Variants in NR3C1 observed in about 807,000 individuals in gnomAD.
The protein encoded by NR3C1 is glucocorticoid receptor.
In NR3C1, 14 loss-of-function variants were observed where a neutral mutation model predicts 74.0. That is an observed-to-expected ratio of 0.19 (90% CI 0.12 to 0.30). The LOEUF (loss-of-function observed/expected upper bound fraction) is 0.30. Ranked by LOEUF, NR3C1 falls within the 10% of genes least tolerant of loss-of-function variation. NR3C1 has a pLI of 1.00. For missense variants in NR3C1, 695 were observed against 909.8 expected (o/e 0.76, Z 3.04); for synonymous variants, 308 against 332.5 (o/e 0.93, Z 0.80).
At chr5:143,396,753 C>T (rs935276111) in intron 2 of NR3C1, among the ~76,000 whole-genome samples, 2 of 151,774 alleles carry the variant, frequency 1.3e-5, no homozygotes, top group African/African-American at 4.8e-5. Flanking sequence ...TCATTCTCTC[C>T]AATAATCCCT....
At chr5:143,388,931 G>GTC (rs769599192) in intron 2 of NR3C1, among the ~76,000 whole-genome samples, 3 of 152,182 alleles carry the variant, frequency 2.0e-5, no homozygotes, top group South Asian at 4.1e-4. Context: ...AGTTGCTGAA[G>GTC]TCTCCTGTTG....
intron 7 of NR3C1, among the ~76,000 whole-genome samples, chr5:143,289,715 C>T (rs999715876): frequency 1.3e-5 from 2 of 152,028 alleles, no homozygotes; most frequent in Non-Finnish European, 2.9e-5. Flanking sequence ...AAAAGAGGCA[C>T]AATACCAAAT....
At position 143,403,424 on chromosome 5, in the gene NR3C1, C is replaced by T. The variant is rs997514649; in HGVS notation, c.-227G>A. 3 of 968,314 alleles carry T rather than the reference C, an allele frequency of 3.1e-6. No homozygotes were observed. The highest frequency in any genetic ancestry group is 3.6e-6 in the Non-Finnish European group (3 of 824,606). 60.0% of individuals were successfully genotyped at this position (968,314 alleles called of 1,614,324 possible). ...GCCCAGCTGACAAGCCAGCCCTCCGCCCCGCGCCGGGCTCCGCGGGTCGAG... is the reference window on the plus strand; with the variant it reads ...GCCCAGCTGACAAGCCAGCCCTCCGTCCCGCGCCGGGCTCCGCGGGTCGAG... On this transcript the variant is annotated 5_prime_UTR_variant, in exon 1 of 9. Coordinates refer to ENST00000394464, the MANE Select transcript of NR3C1 (RefSeq NM_000176.3).
chr5:143,381,187 A>G (rs1836162527), intron 2 of NR3C1, among the ~76,000 whole-genome samples: 1 of 152,190 alleles, frequency 6.6e-6, no homozygotes, highest in Non-Finnish European at 1.5e-5. Flanking sequence ...AATCTCATTT[A>G]CAATAGCTAC....
In NR3C1 at chr5:143,279,327, T is replaced by C; in HGVS notation, c.*2562A>G. The stretch of plus-strand genomic sequence containing the variant: ...ACATAATCTTCTTTTTCTCATTGAG[T>C]TCTATTTTTTGAGCGCCAAGATTGT... On this transcript the variant is annotated 3_prime_UTR_variant, in exon 9 of 9. Coordinates refer to ENST00000394464, the MANE Select transcript of NR3C1 (RefSeq NM_000176.3). 6.5e-7 allele frequency: 1 copy of C among 1,540,928 alleles called. No homozygotes were observed. Among genetic ancestry groups the C allele is most frequent in the Non-Finnish European group, 8.7e-7 (1 of 1,144,190 alleles).
At chr5:143,337,515 G>A (rs1376968012) in intron 2 of NR3C1, among the ~76,000 whole-genome samples, 1 of 152,174 alleles carries the variant, frequency 6.6e-6, no homozygotes, top group Non-Finnish European at 1.5e-5. Context: ...TGCATATACA[G>A]TAAAATGTGT....
At chr5:143,373,221 C>A (rs1834531403) in intron 2 of NR3C1, among the ~76,000 whole-genome samples, 1 of 151,968 alleles carries the variant, frequency 6.6e-6, no homozygotes, top group East Asian at 1.9e-4. Context: ...GTATAATTCC[C>A]TTGGGGAAAA....
chr5:143,354,142 T>C (rs535129230), intron 2 of NR3C1, among the ~76,000 whole-genome samples: 29 of 152,366 alleles, frequency 1.9e-4, no homozygotes, highest in Middle Eastern at 3.4e-3. Flanking sequence ...ACAGCCTTCA[T>C]AGAATTGAAG....
rs1318675518 is a variant in NR3C1, at chr5:143,281,929, G to A, written c.2294C>T (p.Ser765Leu). ...EIITNQIPKY[S>L]NGNIKKLLFH... ...CAGAAGTTTTTTGATATTTCCATTTGAATATTTTGGTATCTGATTGGTGAT... is the reference window on the plus strand; with the variant it reads ...CAGAAGTTTTTTGATATTTCCATTTAAATATTTTGGTATCTGATTGGTGAT... The change falls in exon 9 of 9, where the codon TCA (serine) becomes TTA (leucine). Residue 765 changes from serine (S) to leucine (L), a missense_variant. This residue lies in a region of NR3C1 where 133 missense variants were observed against 287.9 expected (regional missense o/e 0.46). Transcript: ENST00000394464. 1 of 1,613,318 alleles carries A rather than the reference G, an allele frequency of 6.2e-7. No homozygotes were observed. Among genetic ancestry groups the A allele is most frequent in the South Asian group, 1.1e-5 (1 of 91,048 alleles).
chr5:143,405,291 C>T (rs1841039645), upstream of NR3C1: 4 of 985,618 alleles, frequency 4.1e-6, no homozygotes, highest in Non-Finnish European at 4.8e-6. Context: ...GCCGCAGCTC[C>T]ACCTAATCCT....
Position 143,339,757 on chromosome 5 carries a change from A to T in NR3C1, c.1185-25589T>A, listed in dbSNP as rs140091233. On this transcript the variant is annotated intron_variant, in intron 2 of 8. Transcript: ENST00000394464. The stretch of plus-strand genomic sequence containing the variant: ...CTCCGGACTAAAGGATTCCAGACAC[A>T]GCTGAGAGTAGAAATATCTTAAAAA... 3.3e-5 allele frequency among the ~76,000 whole-genome samples: 5 copies of T among 152,336 alleles called. No individual in the cohort carries two copies. The East Asian group carries it at 9.7e-4, about 29-fold the overall frequency.
chr5:143,362,876 T>A (rs2151826929), intron 2 of NR3C1, among the ~76,000 whole-genome samples: 1 of 152,222 alleles, frequency 6.6e-6, no homozygotes, highest in Admixed American at 6.5e-5. Flanking sequence ...GTCTAAAGAT[T>A]GAGAGGAAAA....
intron 2 of NR3C1, among the ~76,000 whole-genome samples, chr5:143,379,468 T>C (rs1053014427): frequency 6.6e-6 from 1 of 152,190 alleles, no homozygotes; most frequent in Non-Finnish European, 1.5e-5. Flanking sequence ...TCATGAACAA[T>C]TCGGATATCA....
At chr5:143,405,081 C>CGCCCCAGCTCCCT (rs1841019364), upstream of NR3C1, 3 of 981,298 alleles carry the variant, frequency 3.1e-6, no homozygotes. Flanking sequence ...GGGAAGCCCC[C>CGCCCCAGCTCCCT]GCCCCAGCTC....
chr5:143,334,972 T>G lies in NR3C1; in HGVS notation c.1185-20804A>C, dbSNP rs116208375. On this transcript the variant is annotated intron_variant, in intron 2 of 8. Transcript: ENST00000394464. ...AAAGGTTATTATGATTTCTGAAATG[T>G]AGCATAAAGCCAAAACCTGAAAAGA... is the stretch of plus-strand genomic sequence containing the variant. 3.4e-3 allele frequency among the ~76,000 whole-genome samples: 520 copies of G among 152,318 alleles called. 1 individual carries two copies. Among genetic ancestry groups the G allele is most frequent in the African/African-American group, 0.012 (504 of 41,568 alleles).
chr5:143,413,167 C>G (rs1047139460), intron 1 of NR3C1, among the ~76,000 whole-genome samples: 15 of 152,112 alleles, frequency 9.9e-5, no homozygotes, highest in Non-Finnish European at 1.6e-4. Flanking sequence ...TGCAGACTTA[C>G]AGAAATGTGT....
At chr5:143,379,081 A>G (rs1028762102) in intron 2 of NR3C1, among the ~76,000 whole-genome samples, 2 of 152,150 alleles carry the variant, frequency 1.3e-5, no homozygotes, top group Non-Finnish European at 2.9e-5. Context: ...ACAGGAAAAT[A>G]CCCCCAGTGA....
chr5:143,365,436 G>C (rs1388719804), intron 2 of NR3C1, among the ~76,000 whole-genome samples: 4 of 152,168 alleles, frequency 2.6e-5, no homozygotes, highest in Admixed American at 2.0e-4. Context: ...ATAGGGCACT[G>C]TATAATGATA....
At chr5:143,381,630 C>A (rs1458994565) in intron 2 of NR3C1, among the ~76,000 whole-genome samples, 1 of 152,062 alleles carries the variant, frequency 6.6e-6, no homozygotes, top group Non-Finnish European at 1.5e-5. Flanking sequence ...CAAATTCATA[C>A]ACCTACAGTG....
Sources: allele counts gnomAD v4.1 joint callset (sites outside exome capture counted in the v4.1 genomes callset), GRCh38; gene constraint gnomAD v4.1.1; regional missense constraint gnomAD v4.1.1; transcripts MANE v1.5; gene names NCBI Gene and HGNC (gene_info 2026-07-23, HGNC 2026-07-21).